Variants in AGTPBP1 observed in about 807,000 individuals in gnomAD.
AGTPBP1 encodes ATP/GTP binding carboxypeptidase 1, also known as cytosolic carboxypeptidase 1.
In AGTPBP1, 70 loss-of-function variants were observed where a neutral mutation model predicts 143.9. The observed-to-expected ratio is 0.49, with a 90% CI of 0.40 to 0.59. AGTPBP1 has a LOEUF of 0.59. AGTPBP1 is among the 20% of genes least tolerant of loss of function. The pLI is 0.00. For synonymous variants in AGTPBP1, 463 were observed against 500.2 expected (o/e 0.93, Z 0.99); for missense variants, 1,229 against 1,464.5 (o/e 0.84, Z 2.62).
At chr9:85,682,280 A>G (rs1329074406) in intron 3 of AGTPBP1, among the ~76,000 whole-genome samples, 1 of 152,024 alleles carries the variant, frequency 6.6e-6, no homozygotes, top group Non-Finnish European at 1.5e-5. Context: ...AGAAAAGTAC[A>G]TCCTAGGTCA....
intron 17 of AGTPBP1, 143 bp from the exon 18 acceptor site, chr9:85,596,592 C>T (rs1485544703): frequency 1.8e-6 from 1 of 560,640 alleles, no homozygotes; most frequent in East Asian, 2.9e-5. Context: ...TTTTAAAAAT[C>T]TGATGCATTT....
At chr9:85,805,189 G>C in the AGTPBP1 span, among the ~76,000 whole-genome samples, 14 of 148,648 alleles carry the variant, frequency 9.4e-5, no homozygotes, top group Admixed American at 7.9e-4. Flanking sequence ...TCACGTCACC[G>C]GCGAACCTCT....
chr9:85,765,714 T>G, the AGTPBP1 span, among the ~76,000 whole-genome samples: 118 of 152,230 alleles, frequency 7.8e-4, no homozygotes, highest in African/African-American at 2.7e-3. Flanking sequence ...CAAGGGAAAA[T>G]TGCTAAGAGA....
chr9:85,669,617 T>A (rs775311466), intron 7 of AGTPBP1, 39 bp from the exon 8 acceptor site: 2 of 1,424,914 alleles, frequency 1.4e-6, no homozygotes, highest in Non-Finnish European at 2.0e-6. Flanking sequence ...TATTTTAAGG[T>A]TTGACAACCA....
At chr9:85,716,125 C>A (rs949704057) in intron 1 of AGTPBP1, among the ~76,000 whole-genome samples, 3 of 152,192 alleles carry the variant, frequency 2.0e-5, no homozygotes, top group African/African-American at 7.2e-5. Context: ...CCCCACTCCA[C>A]CAACACCATT....
intron 14 of AGTPBP1, among the ~76,000 whole-genome samples, chr9:85,626,972 A>G (rs897887134): frequency 2.6e-5 from 4 of 152,222 alleles, no homozygotes; most frequent in African/African-American, 7.2e-5. Flanking sequence ...GATTTGGCAC[A>G]CAGACCGCAG....
At chr9:85,657,708 A>T in intron 9 of AGTPBP1, 65 bp from the exon 10 acceptor site, 5 of 1,149,692 alleles carry the variant, frequency 4.3e-6, no homozygotes, top group Non-Finnish European at 6.1e-6. Context: ...TAGAATAATC[A>T]AATTTAAAAT....
rs1261571322 is a variant in AGTPBP1, at chr9:85,565,615, C to T, written c.3503+9700G>A. On this transcript the variant is annotated intron_variant, in intron 25 of 25. Coordinates refer to ENST00000357081, the MANE Select transcript of AGTPBP1 (RefSeq NM_001330701.2). ...AAGGTAAGTGGTCTCCTAGTTCCAT[C>T]TCTAACACTGTCATTTACCCTTTTC... 2.0e-5 allele frequency among the ~76,000 whole-genome samples: 3 copies of T among 152,156 alleles called. No individual in the cohort carries two copies. In the East Asian group the frequency reaches 5.8e-4, roughly 29 times the overall value.
At chr9:85,713,763 T>C (rs1837530647) in intron 1 of AGTPBP1, among the ~76,000 whole-genome samples, 1 of 152,176 alleles carries the variant, frequency 6.6e-6, no homozygotes, top group Admixed American at 6.5e-5. Context: ...TTTCCTTAAC[T>C]AAGAAAAGGA....
intron 23 of AGTPBP1, among the ~76,000 whole-genome samples, chr9:85,582,909 C>T (rs1828363960): frequency 6.6e-6 from 1 of 152,086 alleles, no homozygotes; most frequent in Non-Finnish European, 1.5e-5. Flanking sequence ...TGTTACTTTA[C>T]ATGGCAAAAG....
chr9:85,569,473 G>T (rs1587646368), intron 25 of AGTPBP1, among the ~76,000 whole-genome samples: 1 of 152,108 alleles, frequency 6.6e-6, no homozygotes, highest in African/African-American at 2.4e-5. Flanking sequence ...TATTGGGTGG[G>T]GGGAAGCAGG....
In AGTPBP1 at chr9:85,560,296, T is replaced by A. The variant is rs558705287; in HGVS notation, c.3504-13010A>T. Among the ~76,000 whole-genome samples, 4 of 152,328 alleles carry A rather than the reference T, an allele frequency of 2.6e-5. No homozygotes were observed. In the East Asian group the frequency reaches 7.7e-4, roughly 29 times the overall value. ...AGAGACACTGGTTATTTTTAACAAA[T>A]GGGTTTTAGGGTGGAATTGAAAACA... On this transcript the variant is annotated intron_variant, in intron 25 of 25. Transcript: ENST00000357081.
At chr9:85,743,777 C>T (rs1320502684), upstream of AGTPBP1, among the ~76,000 whole-genome samples, 1 of 152,194 alleles carries the variant, frequency 6.6e-6, no homozygotes, top group Non-Finnish European at 1.5e-5. Context: ...AGCCTGTCCA[C>T]CAACACTGGC....
At chr9:85,762,845 G>A in the AGTPBP1 span, among the ~76,000 whole-genome samples, 1 of 146,944 alleles carries the variant, frequency 6.8e-6, no homozygotes, top group Non-Finnish European at 1.5e-5. Flanking sequence ...ACTTTATAAA[G>A]TTTATGTATA....
At chr9:85,713,034 TC>T (rs1013585581) in intron 1 of AGTPBP1, among the ~76,000 whole-genome samples, 1 of 152,210 alleles carries the variant, frequency 6.6e-6, no homozygotes, top group African/African-American at 2.4e-5. Context: ...ATGCACATCT[TC>T]CCTCAAACAA....
intron 1 of AGTPBP1, among the ~76,000 whole-genome samples, chr9:85,713,519 G>A (rs984732036): frequency 1.3e-5 from 2 of 152,040 alleles, no homozygotes; most frequent in Admixed American, 6.6e-5. Context: ...CGACAAGAGC[G>A]AAACTCCATC....
intron 19 of AGTPBP1, among the ~76,000 whole-genome samples, chr9:85,590,938 T>C (rs780530041): frequency 1.3e-5 from 2 of 152,140 alleles, no homozygotes; most frequent in African/African-American, 2.4e-5. Context: ...GTAATTGAGA[T>C]AACTAAGTGA....
chr9:85,636,367 T>C lies in AGTPBP1; in HGVS notation c.1303-2993A>G, dbSNP rs1832049930. ...AGCTCCAACTCCCTGGTTCAAGCAATTCTCTCTGCCTTAGCTTCCCGAGTA... is the reference window on the plus strand; with the variant it reads ...AGCTCCAACTCCCTGGTTCAAGCAACTCTCTCTGCCTTAGCTTCCCGAGTA... On this transcript the variant is annotated intron_variant, in intron 13 of 25. Transcript: ENST00000357081. Among the ~76,000 whole-genome samples, 3 of 148,368 alleles carry C rather than the reference T, an allele frequency of 2.0e-5. No individual in the cohort carries two copies. In the South Asian group the frequency reaches 6.5e-4, roughly 32 times the overall value.
chr9:85,661,646 C>T (rs939301904), intron 8 of AGTPBP1, among the ~76,000 whole-genome samples: 1 of 151,964 alleles, frequency 6.6e-6, no homozygotes, highest in Non-Finnish European at 1.5e-5. Context: ...TGTATTTGAA[C>T]GTAAATACTC....
Sources: allele counts gnomAD v4.1 joint callset (sites outside exome capture counted in the v4.1 genomes callset), GRCh38; gene constraint gnomAD v4.1.1; transcripts MANE v1.5; gene names NCBI Gene and HGNC (gene_info 2026-07-23, HGNC 2026-07-21).